The following UVRAG variants were observed in gnomAD, a reference collection of about 807,000 sequenced individuals.
The protein encoded by UVRAG is UV radiation resistance-associated gene protein.
A neutral mutation model predicts 78.0 loss-of-function variants in UVRAG; 19 were observed. The observed-to-expected ratio is 0.24, with a 90% CI of 0.17 to 0.36. The LOEUF (loss-of-function observed/expected upper bound fraction) is 0.36. UVRAG is among the 10% of genes least tolerant of loss of function. UVRAG has a pLI of 1.00. For synonymous variants in UVRAG, 323 were observed against 324.6 expected (o/e 1.00, Z 0.05); for missense variants, 740 against 853.8 (o/e 0.87, Z 1.66).
At chr11:75,996,180 T>C (rs1949702759) in intron 8 of UVRAG, among the ~76,000 whole-genome samples, 2 of 152,060 alleles carry the variant, frequency 1.3e-5, no homozygotes, top group South Asian at 2.1e-4. Flanking sequence ...CCTGACACAA[T>C]TGTATATTGG....
chr11:76,116,500 G>A (rs1363242492), intron 14 of UVRAG, among the ~76,000 whole-genome samples: 4 of 152,232 alleles, frequency 2.6e-5, no homozygotes, highest in Non-Finnish European at 5.9e-5. Flanking sequence ...CTTGTGTGTG[G>A]TGTCAGTACC....
chr11:75,935,117 C>A (rs949642583), intron 6 of UVRAG: 1 of 147,660 alleles, frequency 6.8e-6, no homozygotes, highest in Non-Finnish European at 1.5e-5. Context: ...CTCTAGTGAT[C>A]ATCAACCTTT....
intron 3 of UVRAG, 57 bp from the exon 4 acceptor site, chr11:75,879,821 TG>T: frequency 6.4e-7 from 1 of 1,563,248 alleles, no homozygotes. Flanking sequence ...GTCACCTAAT[TG>T]AAATAATCGT....
intron 3 of UVRAG, among the ~76,000 whole-genome samples, chr11:75,862,842 G>GTT (rs1946452843): frequency 2.0e-5 from 3 of 152,194 alleles, no homozygotes; most frequent in African/African-American, 7.2e-5. Flanking sequence ...GAAAGCACGG[G>GTT]CCCTGCCAAT....
At chr11:76,014,410 A>G (rs1425517173) in intron 11 of UVRAG, among the ~76,000 whole-genome samples, 3 of 152,370 alleles carry the variant, frequency 2.0e-5, no homozygotes, top group African/African-American at 4.8e-5. Context: ...TATAAAGCAC[A>G]TAGAGGGAAG....
chr11:75,908,605 G>A (rs576762381), intron 5 of UVRAG, among the ~76,000 whole-genome samples: 2 of 150,646 alleles, frequency 1.3e-5, no homozygotes, highest in South Asian at 4.3e-4. Context: ...TGGTCTCATA[G>A]AATAACTTAA....
At chr11:75,852,052 T>C (rs753892200) in intron 2 of UVRAG, 52 bp downstream of exon 2, 2 of 1,322,786 alleles carry the variant, frequency 1.5e-6, no homozygotes, top group South Asian at 2.6e-5. Context: ...TTTTATTTTT[T>C]TTGTAACACA....
intron 12 of UVRAG, among the ~76,000 whole-genome samples, chr11:76,054,346 C>T (rs146525858): frequency 2.0e-4 from 30 of 152,308 alleles, no homozygotes; most frequent in Admixed American, 2.0e-3. Context: ...GTTCAAACCG[C>T]TGTCTTCTCT....
chr11:76,115,596 G>A (rs1952163047), intron 13 of UVRAG, among the ~76,000 whole-genome samples: 2 of 152,198 alleles, frequency 1.3e-5, no homozygotes, highest in Admixed American at 6.5e-5. Context: ...GGGTAGAAAA[G>A]AAGGCTAGAT....
At chr11:75,978,944 G>A (rs1485441641) in intron 7 of UVRAG, among the ~76,000 whole-genome samples, 2 of 152,218 alleles carry the variant, frequency 1.3e-5, no homozygotes, top group African/African-American at 4.8e-5. Flanking sequence ...TGGAGGAGAA[G>A]AGGTGCTCTG....
At chr11:76,079,036 A>G (rs527443107) in intron 13 of UVRAG, among the ~76,000 whole-genome samples, 1 of 152,338 alleles carries the variant, frequency 6.6e-6, no homozygotes, top group South Asian at 2.1e-4. Flanking sequence ...TAAAGAATCA[A>G]AAAGTTGAGT....
chr11:75,818,481 AT>A (rs113579187), intron 1 of UVRAG, among the ~76,000 whole-genome samples: 259 of 142,872 alleles, frequency 1.8e-3, no homozygotes, highest in Admixed American at 1.7e-3. Context: ...CAAGGTATCA[AT>A]TTTTTTTTTT....
intron 14 of UVRAG, among the ~76,000 whole-genome samples, chr11:76,129,077 T>G (rs921960647): frequency 2.0e-5 from 3 of 152,156 alleles, no homozygotes; most frequent in African/African-American, 2.4e-5. Context: ...CACACAGCCC[T>G]GTGAATTAGG....
chr11:75,936,745 A>G (rs908385311), intron 6 of UVRAG, among the ~76,000 whole-genome samples: 1 of 152,160 alleles, frequency 6.6e-6, no homozygotes, highest in African/African-American at 2.4e-5. Flanking sequence ...CAGAATAATA[A>G]TAATAAAAAA....
chr11:75,977,313 T>G (rs1949264619), intron 7 of UVRAG, among the ~76,000 whole-genome samples: 1 of 152,228 alleles, frequency 6.6e-6, no homozygotes, highest in East Asian at 1.9e-4. Flanking sequence ...TTGGAGTAAG[T>G]GCGATGTGGT....
At chr11:75,982,180 T>G (rs1206458149) in intron 7 of UVRAG, among the ~76,000 whole-genome samples, 1 of 152,232 alleles carries the variant, frequency 6.6e-6, no homozygotes, top group Non-Finnish European at 1.5e-5. Context: ...TTTAGCTGGC[T>G]TCCTCTGAGA....
chr11:75,969,383 T>C (rs1366158511), intron 7 of UVRAG, among the ~76,000 whole-genome samples: 1 of 152,234 alleles, frequency 6.6e-6, no homozygotes, highest in Non-Finnish European at 1.5e-5. Flanking sequence ...TGCTTATCCA[T>C]TCATTTATTG....
intron 4 of UVRAG, among the ~76,000 whole-genome samples, chr11:75,886,071 T>C (rs911509677): frequency 6.6e-6 from 1 of 152,182 alleles, no homozygotes; most frequent in African/African-American, 2.4e-5. Flanking sequence ...GTACCAGGGC[T>C]GTAAAACAAG....
intron 13 of UVRAG, among the ~76,000 whole-genome samples, chr11:76,107,489 T>C (rs1951992788): frequency 6.6e-6 from 1 of 152,202 alleles, no homozygotes; most frequent in Admixed American, 6.5e-5. Context: ...AGTTTTGACT[T>C]CTAGGCTTCA....
Sources: gnomAD v4.1 joint callset for allele counts (sites outside exome capture counted in the v4.1 genomes callset) on GRCh38, gnomAD v4.1.1 for gene constraint, MANE v1.5 for transcripts, NCBI Gene and HGNC (gene_info 2026-07-23, HGNC 2026-07-21) for gene names.